Variants in LSS observed in about 807,000 individuals in gnomAD.
LSS encodes the protein 2,3-epoxysqualene-lanosterol cyclase.
A neutral mutation model predicts 110.3 loss-of-function variants in LSS; 90 were observed. That is an observed-to-expected ratio of 0.82 (90% CI 0.69 to 0.97). The LOEUF is 0.97. Ranked by LOEUF, LSS falls within the 50% of genes least tolerant of loss-of-function variation. LSS has a pLI of 0.00. For missense variants in LSS, 927 were observed against 990.0 expected (o/e 0.94, Z 0.85); for synonymous variants, 433 against 400.0 (o/e 1.08, Z -0.98).
At chr21:46,219,764 C>T (rs531919293) in intron 5 of LSS, among the ~76,000 whole-genome samples, 192 bp from the exon 6 acceptor site, 2 of 152,172 alleles carry the variant, frequency 1.3e-5, no homozygotes, top group East Asian at 1.9e-4. Context: ...CCTGGATACA[C>T]GGCCCCCTAG....
chr21:46,206,797 C>A, intron 15 of LSS, 29 bp from the exon 16 acceptor site: 1 of 1,566,992 alleles, frequency 6.4e-7, no homozygotes, highest in Non-Finnish European at 8.7e-7. Flanking sequence ...CCCTAGAACT[C>A]GCCCATGTGC....
intron 20 of LSS, among the ~76,000 whole-genome samples, chr21:46,194,288 C>G (rs2079875039): frequency 1.3e-5 from 2 of 152,312 alleles, no homozygotes; most frequent in South Asian, 4.1e-4. Context: ...TCTGCAGGGC[C>G]CCACTTGGTC....
chr21:46,213,927 G>A (rs1569030271), intron 9 of LSS, 92 bp from the exon 10 acceptor site: 3 of 864,580 alleles, frequency 3.5e-6, no homozygotes, highest in Admixed American at 4.0e-5. Context: ...CAGCCCCCAG[G>A]CATAAAGTGC....
Position 46,210,748 on chromosome 21 carries a change from C to A in LSS, c.1138-4G>T, listed in dbSNP as rs779175503. The stretch of plus-strand genomic sequence containing the variant: ...AGATCTGTGAGCCGTTGGTGCCCTA[C>A]ACACAAAGGATGGTGTTACAGCAGC... On this transcript the variant is annotated splice_polypyrimidine_tract_variant and splice_region_variant and intron_variant, in intron 11 of 21. Transcript: ENST00000397728. The A allele has an allele frequency of 4.3e-6, 7 of 1,613,930 alleles. No homozygotes were observed. The East Asian group carries it at 1.6e-4, about 36-fold the overall frequency.
At chr21:46,200,336 A>G (rs1039345119) in intron 17 of LSS, among the ~76,000 whole-genome samples, 3 of 152,228 alleles carry the variant, frequency 2.0e-5, no homozygotes, top group Admixed American at 6.5e-5. Flanking sequence ...ACTAACAGGT[A>G]TAAGTATGAT....
Position 46,206,686 on chromosome 21 carries a change from G to A in LSS, c.1550C>T (p.Pro517Leu). Residue 517 changes from proline to leucine, a missense_variant, in exon 16 of 22, where the codon CCC becomes CTC. By Grantham distance (98) the Pro-to-Leu change is moderately conservative. Transcript: ENST00000397728. Reference sequence around the variant, plus strand: ...CGACCACTCACCGAAGACCTCCGAGGGGTTCAGCAGCTCCAGCAAGTGCCC... The same window carrying A: ...CGACCACTCACCGAAGACCTCCGAGAGGTTCAGCAGCTCCAGCAAGTGCCC... ...RGGHLLELLN[P>L]SEVFGDIMID... 1 of 1,612,668 alleles carries A rather than the reference G, an allele frequency of 6.2e-7. No individual in the cohort carries two copies. Among genetic ancestry groups the A allele is most frequent in the Non-Finnish European group, 8.5e-7 (1 of 1,179,944 alleles).
intron 6 of LSS, among the ~76,000 whole-genome samples, chr21:46,217,898 G>C (rs978991923): frequency 1.3e-5 from 2 of 152,138 alleles, no homozygotes; most frequent in African/African-American, 4.8e-5. Flanking sequence ...TCTACGGCCC[G>C]CCTCAGGTAG....
At chr21:46,214,200 G>A (rs2080170532) in intron 9 of LSS, among the ~76,000 whole-genome samples, 1 of 152,206 alleles carries the variant, frequency 6.6e-6, no homozygotes. Context: ...AGGGGCCCAG[G>A]AAGAGATGCG....
At chr21:46,210,944 C>T (rs1226366260) in intron 11 of LSS, among the ~76,000 whole-genome samples, 200 bp from the exon 12 acceptor site, 2 of 152,122 alleles carry the variant, frequency 1.3e-5, no homozygotes, top group African/African-American at 2.4e-5. Context: ...GGCAGACACA[C>T]GTCGGGGAGA....
At chr21:46,222,304 T>C (rs1268622455) in intron 4 of LSS, 1 of 526,676 alleles carries the variant, frequency 1.9e-6, no homozygotes, top group East Asian at 3.3e-5. Flanking sequence ...AGGAAAGCTG[T>C]CAGGCCTTGT....
chr21:46,226,735 A>G (rs1417336636), intron 3 of LSS, among the ~76,000 whole-genome samples: 1 of 152,242 alleles, frequency 6.6e-6, no homozygotes, highest in East Asian at 1.9e-4. Context: ...GCCTATTGCA[A>G]CTTCATTTCA....
chr21:46,216,056 G>A lies in LSS; in HGVS notation c.784-263C>T, dbSNP rs2080203245. 6.6e-6 allele frequency among the ~76,000 whole-genome samples: 1 copy of A among 152,160 alleles called. No homozygotes were observed. The highest frequency in any genetic ancestry group is 6.5e-5 in the Admixed American group (1 of 15,284). Reference sequence around the variant, plus strand: ...CTGCCCCTCCTTCTTCCCCATGGCAGGCCTGATAAACATCCTGCACCTCAA... The same window carrying A: ...CTGCCCCTCCTTCTTCCCCATGGCAAGCCTGATAAACATCCTGCACCTCAA... On this transcript the variant is annotated intron_variant, in intron 7 of 21. Coordinates refer to ENST00000397728, the MANE Select transcript of LSS (RefSeq NM_002340.6). This position sits in a 1 kb window ranked among gnomAD's most constrained non-coding sequence, Gnocchi z 4.2.
At chr21:46,226,330 G>C (rs1286384174) in intron 3 of LSS, among the ~76,000 whole-genome samples, 2 of 152,176 alleles carry the variant, frequency 1.3e-5, no homozygotes, top group Non-Finnish European at 2.9e-5. Context: ...AGGCTACAGA[G>C]GCAAAGTGGG....
chr21:46,223,015 C>T (rs566512449), intron 3 of LSS, among the ~76,000 whole-genome samples: 1 of 152,316 alleles, frequency 6.6e-6, no homozygotes, highest in African/African-American at 2.4e-5. Flanking sequence ...CTGAGAAACA[C>T]CAGACACTGC....
rs1275478431 is a variant in LSS at position 46,228,122 on chromosome 21, C to T, written c.180+312G>A. On this transcript the variant is annotated intron_variant, in intron 2 of 21. Coordinates refer to ENST00000397728, the MANE Select transcript of LSS (RefSeq NM_002340.6). Reference sequence around the variant, plus strand: ...CCAAAATCTCTTACAATGCACACAACTAAGACAGTGGATCCAAACACTTTT... The same window carrying T: ...CCAAAATCTCTTACAATGCACACAATTAAGACAGTGGATCCAAACACTTTT... Among the ~76,000 whole-genome samples the T allele has an allele frequency of 2.0e-5, 3 of 152,246 alleles. No homozygotes were observed. The East Asian group carries it at 5.8e-4, about 29-fold the overall frequency.
intron 3 of LSS, among the ~76,000 whole-genome samples, chr21:46,224,260 C>G (rs1402226077): frequency 3.9e-5 from 6 of 152,212 alleles, no homozygotes. Flanking sequence ...ACCCACGTGA[C>G]CTTACCTATC....
rs2079879150 is a variant in LSS, at chr21:46,194,536, T to A, written c.1943A>T (p.Gln648Leu). The A allele has an allele frequency of 1.9e-6, 3 of 1,613,796 alleles. No homozygotes were observed. Among genetic ancestry groups the A allele is most frequent in the Non-Finnish European group, 2.5e-6 (3 of 1,180,040 alleles). The change falls in exon 20 of 22, where the codon CAG becomes CTG. Residue 648 changes from glutamine (Q) to leucine (L), a missense_variant. Transcript: ENST00000397728. ...CATGGCCCAGCATGTGTTATGGATC[T>A]GGGACTGGGCACTCTGCAAATAACG... Reference protein sequence around the residue: ...ERRYLQSAQSQIHNTCWAMMG... With the variant: ...ERRYLQSAQSLIHNTCWAMMG...
intron 14 of LSS, 88 bp from the exon 15 acceptor site, chr21:46,207,665 C>A: frequency 7.0e-7 from 1 of 1,436,344 alleles, no homozygotes; most frequent in Admixed American, 2.1e-5. Context: ...TCCCTCCCCA[C>A]CACAGAGCAC....
intron 12 of LSS, 107 bp downstream of exon 12, chr21:46,210,581 C>G (rs923660644): frequency 9.0e-7 from 1 of 1,109,056 alleles, no homozygotes; most frequent in East Asian, 2.5e-5. Context: ...CTGGAAGTAT[C>G]GAGGAGTGGC....
Sources: gnomAD v4.1 joint callset for allele counts (sites outside exome capture counted in the v4.1 genomes callset) on GRCh38, gnomAD v4.1.1 for gene constraint, Gnocchi (gnomAD v3.1) non-coding constraint, MANE v1.5 for transcripts, NCBI Gene and HGNC (gene_info 2026-07-23, HGNC 2026-07-21) for gene names.